The following TMEM71 variants were observed in gnomAD, a reference collection of about 807,000 sequenced individuals.
TMEM71 encodes transmembrane protein 71.
In TMEM71, 44 loss-of-function variants were observed where a neutral mutation model predicts 38.0. That is an observed-to-expected ratio of 1.16 (90% CI 0.91 to 1.49). TMEM71 has a LOEUF of 1.49. Among genes scored for constraint, TMEM71 ranks in the 40% most tolerant of loss-of-function variants. The pLI, the probability that TMEM71 is intolerant of heterozygous loss-of-function variation, is 0.00. For missense variants in TMEM71, 367 were observed against 348.6 expected, an observed-to-expected ratio of 1.05 and a Z score of -0.42; for synonymous variants, 133 against 122.5, an observed-to-expected ratio of 1.09 and a Z score of -0.56.
chr8:132,743,047 C>T (rs1828135183), intron 5 of TMEM71, among the ~76,000 whole-genome samples: 1 of 152,084 alleles, frequency 6.6e-6, no homozygotes, highest in Admixed American at 6.5e-5. Context: ...AAGACCTGCC[C>T]CCATGATTCA....
chr8:132,709,168 G>A (rs1332889355), downstream of TMEM71, among the ~76,000 whole-genome samples: 7 of 152,144 alleles, frequency 4.6e-5, no homozygotes, highest in Admixed American at 2.0e-4. Flanking sequence ...ATAGACAAAG[G>A]AAATGTAGAA....
Position 132,746,973 on chromosome 8 carries a change from C to A in TMEM71, c.456G>T (p.Arg152Ser). 1 of 1,611,676 alleles carries A rather than the reference C, an allele frequency of 6.2e-7. No individual in the cohort carries two copies. Among genetic ancestry groups the A allele is most frequent in the South Asian group, 1.1e-5 (1 of 90,636 alleles). The part of the protein sequence containing the change: ...PSEDNWLKGT[R>S]RLDTDHCNGN... ...CATTGCAATGGTCTGTGTCCAACCT[C>A]CTGGTCCCCTTCAACCAGTTGTCTT... The change falls in exon 5 of 10, where the codon AGG (arginine) becomes AGT (serine). Residue 152 changes from arginine to serine, a missense_variant. By Grantham distance (110) the Arg-to-Ser change is moderately radical. Coordinates refer to ENST00000677595, the MANE Select transcript of TMEM71 (RefSeq NM_001382403.1).
intron 3 of TMEM71, among the ~76,000 whole-genome samples, chr8:132,756,599 T>A (rs904737678): frequency 2.0e-5 from 3 of 149,962 alleles, no homozygotes; most frequent in African/African-American, 4.9e-5. Context: ...TAATAATAAT[T>A]ATTATTATTT....
chr8:132,748,978 T>C (rs1412606944), intron 4 of TMEM71, among the ~76,000 whole-genome samples: 1 of 152,218 alleles, frequency 6.6e-6, no homozygotes, highest in African/African-American at 2.4e-5. Context: ...GTCATAAGAT[T>C]CCAGAGCAGG....
At chr8:132,765,252 A>C (rs957931074), upstream of TMEM71, among the ~76,000 whole-genome samples, 39 of 152,192 alleles carry the variant, frequency 2.6e-4, no homozygotes, top group African/African-American at 9.2e-4. Flanking sequence ...AGTGGAGCTG[A>C]AGCTGTGTGT....
chr8:132,746,090 G>A (rs1010260973), intron 5 of TMEM71, among the ~76,000 whole-genome samples: 3 of 148,892 alleles, frequency 2.0e-5, no homozygotes, highest in African/African-American at 7.5e-5. Flanking sequence ...TGGGTGATGG[G>A]ATCATTCATA....
At chr8:132,742,688 A>G (rs949031445) in intron 5 of TMEM71, among the ~76,000 whole-genome samples, 1 of 152,246 alleles carries the variant, frequency 6.6e-6, no homozygotes, top group Non-Finnish European at 1.5e-5. Flanking sequence ...TGAGTGAATG[A>G]ATAAATGAAA....
intron 1 of TMEM71, among the ~76,000 whole-genome samples, chr8:132,760,055 C>T (rs1440663822): frequency 6.6e-6 from 1 of 152,006 alleles, no homozygotes; most frequent in East Asian, 1.9e-4. Context: ...TTTTAGTGTT[C>T]CCCAAGTATT....
At chr8:132,713,668 G>C (rs150273343) in intron 9 of TMEM71, among the ~76,000 whole-genome samples, 36 of 152,292 alleles carry the variant, frequency 2.4e-4, no homozygotes, top group African/African-American at 8.2e-4. Context: ...AGCTATTTGG[G>C]AACGTCTAAC....
chr8:132,756,890 A>G lies in TMEM71; in HGVS notation c.101+344T>C, dbSNP rs550235028. On this transcript the variant is annotated intron_variant, in intron 3 of 9. Coordinates refer to ENST00000677595, the MANE Select transcript of TMEM71 (RefSeq NM_001382403.1). ...AGGGGTGAGCCACCATGCCCAGCGA[A>G]GAATGATTTTTTTTTTAGACAAGTC... Among the ~76,000 whole-genome samples the G allele has an allele frequency of 4.6e-5, 7 of 151,386 alleles. No individual in the cohort carries two copies. In the South Asian group the frequency reaches 1.3e-3, roughly 27 times the overall value.
chr8:132,765,777 CTAT>C, the TMEM71 span, among the ~76,000 whole-genome samples: 28 of 150,154 alleles, frequency 1.9e-4, no homozygotes, highest in African/African-American at 4.4e-4. Context: ...ATTATTATTA[CTAT>C]TATTATTATT....
intron 5 of TMEM71, 27 bp from the exon 6 acceptor site, chr8:132,728,013 A>AGTGTGTGTGTGT (rs59776482): frequency 1.3e-5 from 14 of 1,080,758 alleles, no homozygotes; most frequent in Middle Eastern, 3.1e-4. Context: ...GTTCAGTGTG[A>AGTGTGTGTGTGT]GTGTGTGTGT....
At chr8:132,722,197 C>T (rs1438416474) in intron 6 of TMEM71, 82 bp from the exon 7 acceptor site, 1 of 1,037,750 alleles carries the variant, frequency 9.6e-7, no homozygotes, top group Non-Finnish European at 1.4e-6. Flanking sequence ...CTCAAACTTC[C>T]CTTGTACCCA....
chr8:132,756,183 A>G (rs1201343535), intron 3 of TMEM71, among the ~76,000 whole-genome samples: 1 of 152,038 alleles, frequency 6.6e-6, no homozygotes, highest in Admixed American at 6.6e-5. Flanking sequence ...GAAAGAAAAA[A>G]GACTTCCTTG....
At chr8:132,707,930 G>A (rs772704974), downstream of TMEM71, among the ~76,000 whole-genome samples, 18 of 152,124 alleles carry the variant, frequency 1.2e-4, no homozygotes, top group Middle Eastern at 3.4e-3. Flanking sequence ...ATTCTTCACC[G>A]TCATACTCCC....
chr8:132,721,305 G>C (rs1826828983), intron 7 of TMEM71, among the ~76,000 whole-genome samples: 2 of 152,228 alleles, frequency 1.3e-5, no homozygotes, highest in Middle Eastern at 3.4e-3. Flanking sequence ...CCTATAAGAA[G>C]GCATGAAGAG....
At chr8:132,745,931 C>T (rs2433066) in intron 5 of TMEM71, among the ~76,000 whole-genome samples, 1 of 149,814 alleles carries the variant, frequency 6.7e-6, no homozygotes, top group South Asian at 2.1e-4. Flanking sequence ...AAACCAAATA[C>T]CCTATGTTCT....
chr8:132,765,521 G>T (rs1451963509), upstream of TMEM71, among the ~76,000 whole-genome samples: 1 of 152,232 alleles, frequency 6.6e-6, no homozygotes, highest in South Asian at 2.1e-4. Flanking sequence ...AGACAGATGC[G>T]TGTTCCAGAT....
At chr8:132,715,196 G>C (rs1236875426) in intron 7 of TMEM71, among the ~76,000 whole-genome samples, 1 of 151,900 alleles carries the variant, frequency 6.6e-6, no homozygotes, top group African/African-American at 2.4e-5. Context: ...CACGAGGTCA[G>C]GAGATTGAGA....
Sources: allele counts gnomAD v4.1 joint callset (sites outside exome capture counted in the v4.1 genomes callset), GRCh38; gene constraint gnomAD v4.1.1; transcripts MANE v1.5; gene names NCBI Gene and HGNC (gene_info 2026-07-23, HGNC 2026-07-21).